The following DENND1A variants were observed in gnomAD, a reference collection of about 807,000 sequenced individuals.
The protein encoded by DENND1A is DENN domain containing 1A, also known as DENN domain-containing protein 1A.
Under a neutral mutation model 113.7 loss-of-function variants are expected in DENND1A, and 51 were observed. The observed-to-expected ratio is 0.45, with a 90% CI of 0.36 to 0.57. DENND1A has a LOEUF of 0.57. Among genes scored for constraint, DENND1A ranks in the 20% least tolerant of loss-of-function variants. The pLI, the probability that DENND1A is intolerant of heterozygous loss-of-function variation, is 0.00. For synonymous variants in DENND1A, 565 were observed against 570.8 expected (o/e 0.99, Z 0.14); for missense variants, 1,258 against 1,395.9 (o/e 0.90, Z 1.57).
chr9:123,616,493 T>A (rs1450520578), intron 10 of DENND1A, among the ~76,000 whole-genome samples: 1 of 152,222 alleles, frequency 6.6e-6, no homozygotes, highest in Non-Finnish European at 1.5e-5. Context: ...TCTTTTCTGT[T>A]CTAAGCGGGA....
chr9:123,837,568 C>CGTTATGTATATGT (rs1319950647), intron 2 of DENND1A, among the ~76,000 whole-genome samples: 2 of 152,056 alleles, frequency 1.3e-5, no homozygotes, highest in Non-Finnish European at 2.9e-5. Context: ...AAACGTTATA[C>CGTTATGTATATGT]ATATGTAGTT....
chr9:123,428,844 G>A (rs1179714411), intron 19 of DENND1A, among the ~76,000 whole-genome samples: 1 of 152,094 alleles, frequency 6.6e-6, no homozygotes, highest in East Asian at 1.9e-4. Flanking sequence ...GGGAAGTGAA[G>A]GACCTCTTCA....
At chr9:123,469,064 T>C (rs2049184390) in intron 13 of DENND1A, among the ~76,000 whole-genome samples, 2 of 152,152 alleles carry the variant, frequency 1.3e-5, no homozygotes, top group Non-Finnish European at 2.9e-5. Context: ...CCCAGGACCA[T>C]CAGGTGGACT....
At position 123,764,829 on chromosome 9, in the gene DENND1A, G is replaced by T. The variant is rs2071332744; in HGVS notation, c.182+4685C>A. 6.6e-6 allele frequency among the ~76,000 whole-genome samples: 1 copy of T among 152,180 alleles called. No homozygotes were observed. On this transcript the variant is annotated intron_variant, in intron 4 of 23. Transcript: ENST00000394215. The surrounding 1 kb of genome is among the most constrained non-coding windows in gnomAD (Gnocchi z 4.1). ...CACTTGCCTCACAGCACAGAGCAGG[G>T]CAGTGGTAAAACCAAAACCAAAACC...
At chr9:123,612,167 T>C (rs1321347206) in intron 10 of DENND1A, among the ~76,000 whole-genome samples, 1 of 152,228 alleles carries the variant, frequency 6.6e-6, no homozygotes, top group Non-Finnish European at 1.5e-5. Flanking sequence ...GATACTTCCC[T>C]GAATCTACTG....
At chr9:123,476,825 G>A (rs1011433491) in intron 13 of DENND1A, among the ~76,000 whole-genome samples, 3 of 152,194 alleles carry the variant, frequency 2.0e-5, no homozygotes, top group African/African-American at 4.8e-5. Flanking sequence ...GGGAAACTGA[G>A]CCACATAACT....
At chr9:123,782,555 G>A (rs543163672) in intron 3 of DENND1A, among the ~76,000 whole-genome samples, 100 of 152,270 alleles carry the variant, frequency 6.6e-4, no homozygotes, top group African/African-American at 2.1e-3. Flanking sequence ...ACACGAAGCC[G>A]GCAAGAATCT....
At chr9:123,690,082 AAAGG>A (rs1564954237) in intron 5 of DENND1A, among the ~76,000 whole-genome samples, 1 of 81,994 alleles carries the variant, frequency 1.2e-5, no homozygotes, top group African/African-American at 4.8e-5. Flanking sequence ...GGGAAGAAGG[AAAGG>A]AGGGAGGGAG....
chr9:123,477,980 G>A (rs927183157), intron 13 of DENND1A, among the ~76,000 whole-genome samples: 2 of 152,198 alleles, frequency 1.3e-5, no homozygotes, highest in African/African-American at 4.8e-5. Flanking sequence ...AGAGGGGTCT[G>A]TTCATCCCTG....
intron 13 of DENND1A, among the ~76,000 whole-genome samples, chr9:123,539,756 GC>G (rs2056134454): frequency 6.6e-6 from 1 of 151,948 alleles, no homozygotes; most frequent in South Asian, 2.1e-4. Flanking sequence ...GGTGGCGGGC[GC>G]CTGTAGTCCC....
chr9:123,783,726 C>T (rs1236241764), intron 3 of DENND1A, among the ~76,000 whole-genome samples: 7 of 152,166 alleles, frequency 4.6e-5, no homozygotes, highest in Admixed American at 3.9e-4. Flanking sequence ...ACAATCATTC[C>T]TCTGCACTCT....
intron 2 of DENND1A, among the ~76,000 whole-genome samples, chr9:123,850,193 A>C (rs1401377056): frequency 6.6e-6 from 1 of 152,216 alleles, no homozygotes; most frequent in East Asian, 1.9e-4. Flanking sequence ...CCTACAGAGT[A>C]ATCTTTCGTG....
chr9:123,416,983 T>C (rs2044780008), intron 19 of DENND1A, among the ~76,000 whole-genome samples: 1 of 152,226 alleles, frequency 6.6e-6, no homozygotes, highest in Admixed American at 6.5e-5. Flanking sequence ...CCCCAAGAAA[T>C]AGACTTCGGG....
At chr9:123,774,407 T>C (rs1830174533) in intron 3 of DENND1A, among the ~76,000 whole-genome samples, 1 of 152,160 alleles carries the variant, frequency 6.6e-6, no homozygotes, top group African/African-American at 2.4e-5. Context: ...GGTAAAGCAG[T>C]TGTTCCTGGA....
intron 2 of DENND1A, among the ~76,000 whole-genome samples, chr9:123,838,722 T>C (rs1841407586): frequency 6.6e-6 from 1 of 152,186 alleles, no homozygotes; most frequent in Admixed American, 6.5e-5. Flanking sequence ...TCAGTTTCCT[T>C]GTACAGTGGC....
intron 13 of DENND1A, among the ~76,000 whole-genome samples, chr9:123,528,064 C>CA (rs2054992937): frequency 6.6e-6 from 1 of 152,228 alleles, no homozygotes; most frequent in South Asian, 2.1e-4. Context: ...TCTAATTATT[C>CA]AAAGAGAACA....
rs1406204976 is a variant in DENND1A at position 123,418,537 on chromosome 9, C to T, written c.1489-6708G>A. Among the ~76,000 whole-genome samples, 4 of 152,322 alleles carry T rather than the reference C, an allele frequency of 2.6e-5. No individual in the cohort carries two copies. In the East Asian group the frequency reaches 5.8e-4, roughly 22 times the overall value. On this transcript the variant is annotated intron_variant, in intron 19 of 23. Transcript: ENST00000394215. ...GGGTGGCATGGATGAGTGGGCACCC[C>T]GCACAGGGCTGCAGGGTGGAAAACG... is the stretch of plus-strand genomic sequence containing the variant.
At chr9:123,788,769 T>G (rs1054382662) in intron 3 of DENND1A, among the ~76,000 whole-genome samples, 1 of 152,132 alleles carries the variant, frequency 6.6e-6, no homozygotes, top group African/African-American at 2.4e-5. Context: ...AGTAAGAGAC[T>G]GAAAAGAATC....
intron 20 of DENND1A, among the ~76,000 whole-genome samples, chr9:123,407,202 G>A (rs2043934817): frequency 6.6e-6 from 1 of 151,974 alleles, no homozygotes; most frequent in South Asian, 2.1e-4. Context: ...GAGCCTCGGA[G>A]GCTGGGGAGG....
Sources: allele counts gnomAD v4.1 joint callset (sites outside exome capture counted in the v4.1 genomes callset), GRCh38; gene constraint gnomAD v4.1.1; non-coding constraint Gnocchi (gnomAD v3.1); transcripts MANE v1.5; gene names NCBI Gene and HGNC (gene_info 2026-07-23, HGNC 2026-07-21).